Variants in CFAP299 observed in about 807,000 individuals in gnomAD.
CFAP299 encodes cilia- and flagella-associated protein 299.
A neutral mutation model predicts 27.0 loss-of-function variants in CFAP299; 21 were observed. The ratio of observed to expected loss-of-function variants is 0.78; its 90% CI spans 0.55 to 1.12. The LOEUF (loss-of-function observed/expected upper bound fraction) is 1.12. CFAP299 is among the 50% of genes most tolerant of loss of function. CFAP299 has a pLI of 0.00. For synonymous variants in CFAP299, 104 were observed against 98.1 expected (o/e 1.06, Z -0.36); for missense variants, 310 against 276.6 (o/e 1.12, Z -0.86).
chr4:80,413,305 A>C lies in CFAP299; in HGVS notation c.242+50421A>C, dbSNP rs1495487. Reference sequence around the variant, plus strand: ...AGCCTTACCCTTAGGTGATTGTGAAAGCAGCAGGCATCCCAGAGAGGGATA... The same window carrying C: ...AGCCTTACCCTTAGGTGATTGTGAACGCAGCAGGCATCCCAGAGAGGGATA... On this transcript the variant is annotated intron_variant, in intron 2 of 5. Coordinates refer to ENST00000358105, the MANE Select transcript of CFAP299 (RefSeq NM_152770.3). Among the ~76,000 whole-genome samples the C allele has an allele frequency of 1.3e-4, 20 of 152,362 alleles. No homozygotes were observed. In the East Asian group the frequency reaches 2.1e-3, roughly 16 times the overall value.
intron 2 of CFAP299, among the ~76,000 whole-genome samples, chr4:80,370,563 TACCCTTGTTCCAAA>T (rs1724090613): frequency 6.6e-6 from 1 of 152,198 alleles, no homozygotes; most frequent in Non-Finnish European, 1.5e-5. Context: ...ATTAGGTAAG[TACCCTTGTTCCAAA>T]AGGGAGAAAT....
chr4:80,644,404 A>G (rs1739883320), intron 3 of CFAP299, among the ~76,000 whole-genome samples: 1 of 152,184 alleles, frequency 6.6e-6, no homozygotes, highest in Non-Finnish European at 1.5e-5. Flanking sequence ...CAAGACTAAA[A>G]ATCAAAAACA....
At chr4:80,429,842 A>C (rs1420169083) in intron 2 of CFAP299, among the ~76,000 whole-genome samples, 1 of 152,096 alleles carries the variant, frequency 6.6e-6, no homozygotes, top group African/African-American at 2.4e-5. Context: ...GTAATATGTC[A>C]TTGTTAAAAA....
chr4:80,641,721 C>T (rs151008895), intron 3 of CFAP299, among the ~76,000 whole-genome samples: 98 of 152,210 alleles, frequency 6.4e-4, no homozygotes, highest in African/African-American at 2.1e-3. Flanking sequence ...AAAGACTACA[C>T]GGGACATCAC....
intron 3 of CFAP299, among the ~76,000 whole-genome samples, chr4:80,734,693 A>G (rs1044986822): frequency 6.6e-6 from 1 of 151,990 alleles, no homozygotes; most frequent in Non-Finnish European, 1.5e-5. Context: ...TGGATATCCA[A>G]TTTTCCCAGC....
At chr4:80,916,295 A>ATATATATATATATT (rs1405206483) in intron 4 of CFAP299, among the ~76,000 whole-genome samples, 57 of 125,522 alleles carry the variant, frequency 4.5e-4, no homozygotes, top group African/African-American at 1.7e-3. Context: ...ATATATATAT[A>ATATATATATATATT]TTTCAGGTAC....
At chr4:80,766,623 T>A (rs73829118) in intron 3 of CFAP299, among the ~76,000 whole-genome samples, 1 of 152,148 alleles carries the variant, frequency 6.6e-6, no homozygotes, top group African/African-American at 2.4e-5. Context: ...TTTATGGCTC[T>A]TCTTCAGGCC....
At chr4:80,455,517 C>T (rs904517158) in intron 2 of CFAP299, among the ~76,000 whole-genome samples, 2 of 151,978 alleles carry the variant, frequency 1.3e-5, no homozygotes, top group Admixed American at 6.6e-5. Flanking sequence ...GGACAGAATA[C>T]TATGCCAAAG....
intron 3 of CFAP299, among the ~76,000 whole-genome samples, chr4:80,665,830 G>A (rs1435381270): frequency 6.6e-6 from 1 of 152,116 alleles, no homozygotes; most frequent in African/African-American, 2.4e-5. Context: ...TCTCAGAATA[G>A]TGAGTGAGTC....
intron 2 of CFAP299, among the ~76,000 whole-genome samples, chr4:80,447,747 C>T (rs1289502986): frequency 6.6e-6 from 1 of 152,164 alleles, no homozygotes; most frequent in Admixed American, 6.5e-5. Flanking sequence ...GCCACCATGC[C>T]CGGCCAACAA....
intron 3 of CFAP299, among the ~76,000 whole-genome samples, chr4:80,800,326 ATAT>A (rs1728379412): frequency 1.4e-5 from 1 of 70,808 alleles, no homozygotes; most frequent in African/African-American, 6.1e-5. Flanking sequence ...TGATACATTA[ATAT>A]TAATATATAT....
At chr4:80,607,548 A>G (rs886772973) in intron 3 of CFAP299, among the ~76,000 whole-genome samples, 5 of 152,120 alleles carry the variant, frequency 3.3e-5, no homozygotes, top group African/African-American at 1.2e-4. Context: ...TTAGAGCTGT[A>G]AACATTAGAG....
chr4:80,499,097 G>A lies in CFAP299; in HGVS notation c.243-83996G>A, dbSNP rs1409639232. On this transcript the variant is annotated intron_variant, in intron 2 of 5. Transcript: ENST00000358105. ...CAATAGATTCCAGGGCCTACTTGAG[G>A]GTGGGAAGAGGGTGGGAACAGAAAA... 2.4e-4 allele frequency among the ~76,000 whole-genome samples: 37 copies of A among 152,096 alleles called. 1 individual carries two copies. Among genetic ancestry groups the A allele is most frequent in the Non-Finnish European group, 4.4e-5 (3 of 67,996 alleles).
chr4:80,575,774 C>T (rs1461159267), intron 2 of CFAP299, among the ~76,000 whole-genome samples: 1 of 151,944 alleles, frequency 6.6e-6, no homozygotes, highest in Non-Finnish European at 1.5e-5. Flanking sequence ...GTGCTTATAG[C>T]TATAAACCTT....
intron 3 of CFAP299, among the ~76,000 whole-genome samples, chr4:80,669,982 A>T (rs77280283): frequency 0.07 from 10,516 of 150,788 alleles, 816 homozygotes; most frequent in African/African-American, 0.19. Flanking sequence ...ATTTTATGGA[A>T]TTTTTTTTCA....
At chr4:80,901,119 C>A (rs1734868340) in intron 4 of CFAP299, among the ~76,000 whole-genome samples, 2 of 152,020 alleles carry the variant, frequency 1.3e-5, no homozygotes, top group Admixed American at 6.6e-5. Flanking sequence ...AGCAATGTTG[C>A]CTGTTGAGGC....
chr4:80,519,041 T>C (rs866387290), intron 2 of CFAP299, among the ~76,000 whole-genome samples: 4 of 152,134 alleles, frequency 2.6e-5, no homozygotes, highest in Middle Eastern at 3.2e-3. Context: ...GAGTCAAAAA[T>C]TTCATTAACA....
intron 3 of CFAP299, among the ~76,000 whole-genome samples, chr4:80,700,332 G>A (rs756499681): frequency 7.2e-5 from 11 of 152,058 alleles, no homozygotes; most frequent in South Asian, 4.1e-4. Context: ...ACAATGAATG[G>A]CACTTAATAA....
intron 3 of CFAP299, among the ~76,000 whole-genome samples, chr4:80,640,200 G>A (rs1419257233): frequency 6.6e-6 from 1 of 152,214 alleles, no homozygotes; most frequent in African/African-American, 2.4e-5. Context: ...TGACTGCCCA[G>A]GAGTTATGGC....
Sources: gnomAD v4.1 joint callset for allele counts (sites outside exome capture counted in the v4.1 genomes callset) on GRCh38, gnomAD v4.1.1 for gene constraint, MANE v1.5 for transcripts, NCBI Gene and HGNC (gene_info 2026-07-23, HGNC 2026-07-21) for gene names.